DOCK4: variants seen among roughly 807,000 people sequenced by gnomAD.
The protein encoded by DOCK4 is dedicator of cytokinesis 4.
In DOCK4, 97 loss-of-function variants were observed where a neutral mutation model predicts 268.1. The observed-to-expected ratio is 0.36, with a 90% confidence interval of 0.31 to 0.43. DOCK4 has a LOEUF of 0.43. DOCK4 is among the 20% of genes least tolerant of loss of function. The pLI is 1.00. For missense variants in DOCK4, 2,145 were observed against 2,455.7 expected (o/e 0.87, Z 2.67); for synonymous variants, 954 against 887.2 (o/e 1.08, Z -1.34).
chr7:111,842,201 G>C (rs1442749265), intron 25 of DOCK4, among the ~76,000 whole-genome samples: 1 of 152,206 alleles, frequency 6.6e-6, no homozygotes, highest in Non-Finnish European at 1.5e-5. Context: ...CAGGAGGGGA[G>C]AGAGGGCAGA....
chr7:111,736,479 T>C (rs1036788894), intron 50 of DOCK4, among the ~76,000 whole-genome samples: 4 of 152,176 alleles, frequency 2.6e-5, no homozygotes, highest in Admixed American at 6.5e-5. Context: ...TGGTATTTAA[T>C]TGTACAAGAG....
intron 1 of DOCK4, among the ~76,000 whole-genome samples, chr7:112,029,705 C>T (rs1314992731): frequency 1.3e-5 from 2 of 152,132 alleles, no homozygotes; most frequent in African/African-American, 2.4e-5. Context: ...TTAATGGAGA[C>T]GGTAATTGCA....
chr7:111,735,254 A>AGAAT lies in DOCK4; in HGVS notation c.5306-91_5306-88dup, dbSNP rs576214944. ...TCTTAGAAGAAAGTCAGAATTATCC[A>AGAAT]GAATGAAAAACTTAACTGGATGAAA... On this transcript the variant is annotated intron_variant, in intron 50 of 52. Transcript: ENST00000428084. 1,606 of 912,902 alleles carry AGAAT rather than the reference A, an allele frequency of 1.8e-3. 5 individuals carry two copies. Among genetic ancestry groups the AGAAT allele is most frequent in the Non-Finnish European group, 2.4e-3 (1,460 of 619,462 alleles). The allele number at this position is 912,902 out of a possible 1,614,324, so 56.6% of individuals were successfully genotyped here.
At chr7:112,184,609 A>G (rs991459215) in intron 1 of DOCK4, among the ~76,000 whole-genome samples, 2 of 151,984 alleles carry the variant, frequency 1.3e-5, no homozygotes, top group African/African-American at 4.8e-5. Flanking sequence ...CTCTCCTCAT[A>G]AAAACCCCGG....
At chr7:112,020,187 T>A (rs1196866117) in intron 1 of DOCK4, among the ~76,000 whole-genome samples, 2 of 152,214 alleles carry the variant, frequency 1.3e-5, no homozygotes, top group Non-Finnish European at 2.9e-5. Flanking sequence ...AGTTAAGAGC[T>A]AATATTTTCC....
At chr7:111,851,435 ACTCCAT>A (rs1804541234) in intron 23 of DOCK4, among the ~76,000 whole-genome samples, 1 of 132,116 alleles carries the variant, frequency 7.6e-6, no homozygotes, top group South Asian at 2.4e-4. Flanking sequence ...ACAGAGCAAG[ACTCCAT>A]CTCAAAAAAA....
intron 1 of DOCK4, among the ~76,000 whole-genome samples, chr7:112,202,059 G>A (rs1820995596): frequency 6.6e-6 from 1 of 152,122 alleles, no homozygotes; most frequent in Non-Finnish European, 1.5e-5. Flanking sequence ...ATTGTGTATA[G>A]ATACTACATT....
chr7:111,801,856 ATT>A (rs538307512), intron 30 of DOCK4: 32 of 132,756 alleles, frequency 2.4e-4, no homozygotes, highest in African/African-American at 4.1e-4. Context: ...CGCTGGGCTA[ATT>A]TTTTTTTTTT....
chr7:111,849,332 G>C (rs1211904481), intron 23 of DOCK4, among the ~76,000 whole-genome samples: 1 of 144,728 alleles, frequency 6.9e-6, no homozygotes, highest in Non-Finnish European at 1.5e-5. Context: ...GTGCAATCTT[G>C]GCTCACTGCA....
chr7:111,957,451 T>C (rs1207888471), intron 8 of DOCK4, among the ~76,000 whole-genome samples: 2 of 152,158 alleles, frequency 1.3e-5, no homozygotes, highest in African/African-American at 4.8e-5. Flanking sequence ...ATCCCAAAGT[T>C]CATTTCAAGT....
At chr7:112,025,358 C>G (rs997642936) in intron 1 of DOCK4, among the ~76,000 whole-genome samples, 1 of 152,104 alleles carries the variant, frequency 6.6e-6, no homozygotes, top group Non-Finnish European at 1.5e-5. Flanking sequence ...TACAACAGAC[C>G]CAGCTTCCGA....
At chr7:111,953,901 C>G (rs1473312844) in intron 8 of DOCK4, 1 of 152,244 alleles carries the variant, frequency 6.6e-6, no homozygotes, top group African/African-American at 2.4e-5. Flanking sequence ...AGTTATTTGC[C>G]TTCCTAGAAG....
At chr7:112,121,105 G>C (rs969539206) in intron 1 of DOCK4, among the ~76,000 whole-genome samples, 8 of 152,146 alleles carry the variant, frequency 5.3e-5, no homozygotes, top group Non-Finnish European at 1.2e-4. Context: ...CACAGTGCTA[G>C]ATATTTTTGT....
At chr7:111,914,488 C>T (rs904120908) in intron 13 of DOCK4, among the ~76,000 whole-genome samples, 1 of 152,168 alleles carries the variant, frequency 6.6e-6, no homozygotes, top group African/African-American at 2.4e-5. Flanking sequence ...CTCTTCGAAT[C>T]TCCATTCCCA....
intron 1 of DOCK4, among the ~76,000 whole-genome samples, chr7:112,124,050 G>A (rs1812994914): frequency 6.6e-6 from 1 of 151,750 alleles, no homozygotes; most frequent in Admixed American, 6.6e-5. Context: ...TTAGAAATAG[G>A]GTTTTGCTTT....
intron 1 of DOCK4, among the ~76,000 whole-genome samples, chr7:112,109,286 C>A (rs1811414419): frequency 6.6e-6 from 1 of 152,116 alleles, no homozygotes; most frequent in South Asian, 2.1e-4. Context: ...CACAAAAAAC[C>A]TTTCCCAAGT....
At chr7:112,168,886 C>G (rs754484636) in intron 1 of DOCK4, among the ~76,000 whole-genome samples, 5 of 152,220 alleles carry the variant, frequency 3.3e-5, no homozygotes, top group Non-Finnish European at 5.9e-5. Context: ...AAATTACATT[C>G]TAAGCATGGC....
At chr7:112,091,435 G>A (rs1406419734) in intron 1 of DOCK4, among the ~76,000 whole-genome samples, 1 of 152,054 alleles carries the variant, frequency 6.6e-6, no homozygotes, top group Non-Finnish European at 1.5e-5. Flanking sequence ...CACACCTAAG[G>A]TCTCTCTGAA....
At chr7:112,038,313 T>C (rs1804031212) in intron 1 of DOCK4, among the ~76,000 whole-genome samples, 1 of 152,174 alleles carries the variant, frequency 6.6e-6, no homozygotes, top group African/African-American at 2.4e-5. Context: ...TGGGAAGCCA[T>C]AAAGCCACAT....
Sources: gnomAD v4.1 joint callset for allele counts (sites outside exome capture counted in the v4.1 genomes callset) on GRCh38, gnomAD v4.1.1 for gene constraint, MANE v1.5 for transcripts, NCBI Gene and HGNC (gene_info 2026-07-23, HGNC 2026-07-21) for gene names.